The following RGS7 variants were observed in gnomAD, a reference collection of about 807,000 sequenced individuals.
RGS7 encodes the protein regulator of G protein signaling 7.
Under a neutral mutation model 81.1 loss-of-function variants are expected in RGS7, and 27 were observed. That is an observed-to-expected ratio of 0.33 (90% CI 0.25 to 0.46). RGS7 has a LOEUF of 0.46. Among genes scored for constraint, RGS7 ranks in the 20% least tolerant of loss-of-function variants. The probability of loss-of-function intolerance (pLI) is 1.00; values close to 1 mark genes in which losing one functional copy is unlikely to be tolerated. For synonymous variants in RGS7, 208 were observed against 207.7 expected (o/e 1.00, Z -0.01); for missense variants, 396 against 607.4 (o/e 0.65, Z 3.66).
chr1:240,977,059 T>C (rs1684219058), intron 4 of RGS7, among the ~76,000 whole-genome samples: 1 of 150,864 alleles, frequency 6.6e-6, no homozygotes, highest in Non-Finnish European at 1.5e-5. Context: ...TATTTATATC[T>C]ATCCATCATC....
intron 2 of RGS7, among the ~76,000 whole-genome samples, chr1:241,176,305 T>C (rs531672334): frequency 5.9e-5 from 9 of 152,306 alleles, no homozygotes; most frequent in Admixed American, 6.5e-5. Flanking sequence ...GAGTTAGATA[T>C]GATCAGAGCT....
intron 2 of RGS7, among the ~76,000 whole-genome samples, chr1:241,335,790 C>T (rs529729806): frequency 1.3e-5 from 2 of 152,188 alleles, no homozygotes; most frequent in Middle Eastern, 3.4e-3. Flanking sequence ...CAGCATTTGC[C>T]ACTTCCCATG....
intron 2 of RGS7, among the ~76,000 whole-genome samples, chr1:241,282,625 C>T: frequency 6.6e-6 from 1 of 152,178 alleles, no homozygotes; most frequent in Non-Finnish European, 1.5e-5. Flanking sequence ...TAAGGATAGA[C>T]ATAGTTGCCT....
chr1:241,205,392 A>AT (rs2073812601), intron 2 of RGS7, among the ~76,000 whole-genome samples: 1 of 150,898 alleles, frequency 6.6e-6, no homozygotes, highest in African/African-American at 2.4e-5. Flanking sequence ...ATTTGTCATC[A>AT]TTTTTTAACA....
At chr1:241,068,018 T>C (rs2062173174) in intron 3 of RGS7, among the ~76,000 whole-genome samples, 1 of 150,824 alleles carries the variant, frequency 6.6e-6, no homozygotes, top group South Asian at 2.1e-4. Context: ...AAAACCAAAG[T>C]CCTACATTTA....
chr1:240,871,182 T>C (rs945637436), intron 6 of RGS7, among the ~76,000 whole-genome samples: 5 of 152,340 alleles, frequency 3.3e-5, no homozygotes, highest in African/African-American at 1.2e-4. Context: ...ATATGCATGA[T>C]ATTTGAGTCT....
chr1:241,244,292 G>A (rs1462359359), intron 2 of RGS7, among the ~76,000 whole-genome samples: 2 of 152,106 alleles, frequency 1.3e-5, no homozygotes, highest in East Asian at 3.9e-4. Context: ...CAAAAAGTGG[G>A]CAAAGGATAT....
intron 2 of RGS7, among the ~76,000 whole-genome samples, chr1:241,312,337 TA>T (rs1258391389): frequency 6.6e-6 from 1 of 152,228 alleles, no homozygotes; most frequent in Non-Finnish European, 1.5e-5. Flanking sequence ...GTGCTTGCTT[TA>T]ATGCACTTTG....
At chr1:241,354,426 T>C (rs1179731134) in intron 2 of RGS7, among the ~76,000 whole-genome samples, 1 of 152,226 alleles carries the variant, frequency 6.6e-6, no homozygotes, top group Non-Finnish European at 1.5e-5. Context: ...TACTGTTTTA[T>C]CTCAGACACA....
intron 4 of RGS7, among the ~76,000 whole-genome samples, chr1:240,938,751 G>A (rs765268701): frequency 5.3e-5 from 8 of 151,944 alleles, no homozygotes; most frequent in African/African-American, 9.7e-5. Context: ...CTCCAAACTC[G>A]CAGTCAAGTC....
At chr1:240,806,917 C>T (rs749659254) in intron 14 of RGS7, among the ~76,000 whole-genome samples, 40 of 152,054 alleles carry the variant, frequency 2.6e-4, no homozygotes, top group Non-Finnish European at 1.2e-4. Flanking sequence ...TCAGAAAATG[C>T]TCTGGCTGGA....
intron 9 of RGS7, among the ~76,000 whole-genome samples, chr1:240,862,259 C>T (rs1327975388): frequency 6.6e-6 from 1 of 152,044 alleles, no homozygotes; most frequent in Non-Finnish European, 1.5e-5. Context: ...AAAGTGACCT[C>T]ATGGTTTTTT....
At chr1:241,328,390 T>G (rs867026911) in intron 2 of RGS7, among the ~76,000 whole-genome samples, 44 of 152,350 alleles carry the variant, frequency 2.9e-4, no homozygotes, top group African/African-American at 9.9e-4. Flanking sequence ...CACTGCTCAC[T>G]TGTCCACTTT....
At chr1:241,023,301 C>T (rs747872756) in intron 3 of RGS7, among the ~76,000 whole-genome samples, 7 of 152,186 alleles carry the variant, frequency 4.6e-5, no homozygotes. Flanking sequence ...CTTTAGAAAA[C>T]TCGTAGATGT....
At chr1:241,097,392 T>C (rs1336154434) in intron 3 of RGS7, among the ~76,000 whole-genome samples, 2 of 152,098 alleles carry the variant, frequency 1.3e-5, no homozygotes, top group Non-Finnish European at 2.9e-5. Flanking sequence ...GTAGCTCTCC[T>C]CAGCTCCAAG....
At chr1:240,800,832 A>G in intron 17 of RGS7, 111 bp from the exon 18 acceptor site, 1 of 507,412 alleles carries the variant, frequency 2.0e-6, no homozygotes, top group African/African-American at 2.0e-5. Flanking sequence ...AATATATATC[A>G]TCAAAACACA....
At chr1:241,245,526 A>G (rs867890959) in intron 2 of RGS7, among the ~76,000 whole-genome samples, 1 of 151,334 alleles carries the variant, frequency 6.6e-6, no homozygotes, top group South Asian at 2.1e-4. Context: ...GTGTGTGTTC[A>G]GGCCTGGCAC....
At chr1:240,947,699 C>T (rs1678871709) in intron 4 of RGS7, among the ~76,000 whole-genome samples, 1 of 152,206 alleles carries the variant, frequency 6.6e-6, no homozygotes, top group Non-Finnish European at 1.5e-5. Flanking sequence ...TTCATTCACA[C>T]TTTGCCCTTT....
intron 6 of RGS7, among the ~76,000 whole-genome samples, chr1:240,906,279 C>T (rs1324078292): frequency 1.3e-5 from 2 of 152,244 alleles, no homozygotes; most frequent in East Asian, 1.9e-4. Flanking sequence ...CATTAAATGC[C>T]CTCCCAGGGT....
Sources: gnomAD v4.1 joint callset for allele counts (sites outside exome capture counted in the v4.1 genomes callset) on GRCh38, gnomAD v4.1.1 for gene constraint, MANE v1.5 for transcripts, NCBI Gene and HGNC (gene_info 2026-07-23, HGNC 2026-07-21) for gene names.